Variants in RIMS1 observed in about 807,000 individuals in gnomAD.
The protein encoded by RIMS1 is regulating synaptic membrane exocytosis 1, also known as regulating synaptic membrane exocytosis protein 1.
A neutral mutation model predicts 214.1 loss-of-function variants in RIMS1; 83 were observed. That is an observed-to-expected ratio of 0.39 (90% confidence interval 0.32 to 0.47). RIMS1 has a LOEUF of 0.47. Among genes scored for constraint, RIMS1 ranks in the 20% least tolerant of loss-of-function variants. The probability of loss-of-function intolerance (pLI) is 0.99; values close to 1 mark genes in which losing one functional copy is unlikely to be tolerated. For synonymous variants in RIMS1, 793 were observed against 786.8 expected (o/e 1.01, Z -0.13); for missense variants, 2,050 against 2,161.8 (o/e 0.95, Z 1.03).
rs188926704 is a variant in RIMS1, at chr6:72,254,928, A to G, written c.2770+2096A>G. 5.9e-4 allele frequency among the ~76,000 whole-genome samples: 90 copies of G among 152,310 alleles called. 1 individual carries two copies. The highest frequency in any genetic ancestry group is 4.5e-3 in the Admixed American group (69 of 15,288). On this transcript the variant is annotated intron_variant, in intron 16 of 33. Transcript: ENST00000521978. ...TTTTCAAATAATATTGTTCATTTTTATTTAGCATTTAAAAATGTAATGAGT... is the reference window on the plus strand; with the variant it reads ...TTTTCAAATAATATTGTTCATTTTTGTTTAGCATTTAAAAATGTAATGAGT...
intron 4 of RIMS1, among the ~76,000 whole-genome samples, chr6:72,134,912 A>G (rs2041031496): frequency 6.6e-6 from 1 of 152,164 alleles, no homozygotes; most frequent in Non-Finnish European, 1.5e-5. Context: ...AATGGGAGAA[A>G]GAAAGGGAGT....
chr6:72,397,749 A>C (rs574374972), intron 31 of RIMS1, among the ~76,000 whole-genome samples: 2 of 152,176 alleles, frequency 1.3e-5, no homozygotes, highest in Non-Finnish European at 2.9e-5. Flanking sequence ...TCCATGCAGT[A>C]GTCCATACAG....
intron 4 of RIMS1, among the ~76,000 whole-genome samples, chr6:72,120,238 C>A (rs917425834): frequency 6.6e-6 from 1 of 151,884 alleles, no homozygotes; most frequent in Admixed American, 6.6e-5. Context: ...CACTGTCTTC[C>A]ACAATGGTTG....
intron 6 of RIMS1, among the ~76,000 whole-genome samples, chr6:72,231,248 A>G (rs976884659): frequency 6.6e-6 from 1 of 151,698 alleles, no homozygotes; most frequent in African/African-American, 2.4e-5. Flanking sequence ...GGATAGAAGA[A>G]ACAAAGGTAG....
At chr6:72,388,185 A>G (rs556347194) in intron 29 of RIMS1, among the ~76,000 whole-genome samples, 1 of 152,354 alleles carries the variant, frequency 6.6e-6, no homozygotes, top group African/African-American at 2.4e-5. Context: ...AAAATAAAGC[A>G]CAGCAAAGGG....
chr6:71,927,999 T>C (rs1486309463), intron 1 of RIMS1, among the ~76,000 whole-genome samples: 1 of 152,138 alleles, frequency 6.6e-6, no homozygotes, highest in Admixed American at 6.5e-5. Flanking sequence ...GCAGAAATTG[T>C]AGAAATCGGA....
chr6:72,289,320 G>A (rs2092948433), intron 24 of RIMS1, among the ~76,000 whole-genome samples: 1 of 152,114 alleles, frequency 6.6e-6, no homozygotes, highest in South Asian at 2.1e-4. Context: ...CTCATCACTG[G>A]AAAGGACTTG....
At chr6:71,986,285 C>T (rs1412017282) in intron 2 of RIMS1, among the ~76,000 whole-genome samples, 1 of 150,810 alleles carries the variant, frequency 6.6e-6, no homozygotes, top group African/African-American at 2.4e-5. Flanking sequence ...AAGAATGGCT[C>T]ATAATAGGAA....
intron 4 of RIMS1, among the ~76,000 whole-genome samples, chr6:72,120,363 G>A (rs1004420078): frequency 1.3e-5 from 2 of 151,674 alleles, no homozygotes; most frequent in South Asian, 2.1e-4. Context: ...GTGTGAGATG[G>A]TATCTCATTG....
chr6:72,146,179 A>G (rs2042725175), intron 4 of RIMS1, among the ~76,000 whole-genome samples: 1 of 152,180 alleles, frequency 6.6e-6, no homozygotes, highest in African/African-American at 2.4e-5. Context: ...TAATGTCACA[A>G]TCTCTACAGC....
chr6:72,128,829 A>T (rs1395864902), intron 4 of RIMS1, among the ~76,000 whole-genome samples: 1 of 152,170 alleles, frequency 6.6e-6, no homozygotes, highest in Non-Finnish European at 1.5e-5. Flanking sequence ...CAGACACAGC[A>T]ATTTTTTTGT....
chr6:72,399,890 T>C (rs2098821438), intron 33 of RIMS1, among the ~76,000 whole-genome samples: 1 of 152,126 alleles, frequency 6.6e-6, no homozygotes, highest in African/African-American at 2.4e-5. Flanking sequence ...TGACCTAGAT[T>C]GTGGTAATTT....
At chr6:72,338,846 G>T (rs1337868880) in intron 29 of RIMS1, among the ~76,000 whole-genome samples, 3 of 127,144 alleles carry the variant, frequency 2.4e-5, no homozygotes, top group Non-Finnish European at 5.0e-5. Context: ...TAACCAACTT[G>T]TGAAGAGAGA....
chr6:72,385,650 G>A (rs1438503007), intron 29 of RIMS1, among the ~76,000 whole-genome samples: 2 of 152,156 alleles, frequency 1.3e-5, no homozygotes, highest in Non-Finnish European at 2.9e-5. Flanking sequence ...CTCCATTGGG[G>A]CAGGGATTTT....
At chr6:72,209,992 T>G (rs530886077) in intron 6 of RIMS1, among the ~76,000 whole-genome samples, 5 of 152,160 alleles carry the variant, frequency 3.3e-5, no homozygotes, top group African/African-American at 4.8e-5. Flanking sequence ...AAATGGAACT[T>G]TGGTACAGAA....
chr6:72,252,425 G>A (rs1563097494), intron 15 of RIMS1, among the ~76,000 whole-genome samples: 2 of 152,094 alleles, frequency 1.3e-5, no homozygotes, highest in African/African-American at 2.4e-5. Flanking sequence ...GAACTGCAGA[G>A]GAAAGCACTT....
chr6:72,281,650 C>T (rs372694008), intron 23 of RIMS1, among the ~76,000 whole-genome samples: 1 of 152,016 alleles, frequency 6.6e-6, no homozygotes, highest in South Asian at 2.1e-4. Context: ...CCCCTGCCTT[C>T]TTATTATTTC....
chr6:72,002,528 G>A (rs1193188394), intron 2 of RIMS1, among the ~76,000 whole-genome samples: 1 of 152,144 alleles, frequency 6.6e-6, no homozygotes, highest in Non-Finnish European at 1.5e-5. Context: ...GTGTGCAGAC[G>A]CTGCCACAGT....
intron 4 of RIMS1, among the ~76,000 whole-genome samples, chr6:72,121,244 G>A (rs2038235306): frequency 6.6e-6 from 1 of 151,906 alleles, no homozygotes; most frequent in African/African-American, 2.4e-5. Flanking sequence ...AGTTTGGGCA[G>A]TATGGCCATT....
Sources: gnomAD v4.1 joint callset for allele counts (sites outside exome capture counted in the v4.1 genomes callset) on GRCh38, gnomAD v4.1.1 for gene constraint, MANE v1.5 for transcripts, NCBI Gene and HGNC (gene_info 2026-07-23, HGNC 2026-07-21) for gene names.